The following ZNF804B variants were observed in gnomAD, a reference collection of about 807,000 sequenced individuals.
ZNF804B encodes zinc finger 804B.
Under a neutral mutation model 101.4 loss-of-function variants are expected in ZNF804B, and 80 were observed. The ratio of observed to expected loss-of-function variants is 0.79; its 90% CI spans 0.66 to 0.95. The LOEUF (loss-of-function observed/expected upper bound fraction) is 0.95, where lower values mean the gene tolerates loss of function less well. Ranked by LOEUF, ZNF804B falls within the 40% of genes least tolerant of loss-of-function variation. ZNF804B has a pLI of 0.00. For missense variants in ZNF804B, 1,673 were observed against 1,561.9 expected, an observed-to-expected ratio of 1.07 and a Z score of -1.20; for synonymous variants, 622 against 558.8, an observed-to-expected ratio of 1.11 and a Z score of -1.59.
At chr7:89,003,256 A>AGT (rs1442786780) in intron 1 of ZNF804B, among the ~76,000 whole-genome samples, 1 of 152,026 alleles carries the variant, frequency 6.6e-6, no homozygotes, top group Non-Finnish European at 1.5e-5. Flanking sequence ...CAGAGGAGAC[A>AGT]GTGCCATAGT....
At chr7:88,860,999 A>G (rs1295194442) in intron 1 of ZNF804B, among the ~76,000 whole-genome samples, 2 of 152,170 alleles carry the variant, frequency 1.3e-5, no homozygotes, top group East Asian at 3.8e-4. Flanking sequence ...ACACTAGTCA[A>G]TTATGCTAAA....
At chr7:88,970,601 T>C (rs890763860) in intron 1 of ZNF804B, among the ~76,000 whole-genome samples, 3 of 151,452 alleles carry the variant, frequency 2.0e-5, no homozygotes, top group Non-Finnish European at 4.4e-5. Flanking sequence ...GTACAGAATA[T>C]ACAGGGTTGG....
At chr7:89,038,592 T>C (rs745877321) in intron 1 of ZNF804B, among the ~76,000 whole-genome samples, 4 of 152,104 alleles carry the variant, frequency 2.6e-5, no homozygotes, top group African/African-American at 9.7e-5. Context: ...GGTTTGCAAA[T>C]ATTTTTGCTC....
At chr7:89,008,995 G>T (rs1055767261) in intron 1 of ZNF804B, among the ~76,000 whole-genome samples, 17 of 152,054 alleles carry the variant, frequency 1.1e-4, no homozygotes, top group South Asian at 4.1e-4. Context: ...TCATATACCT[G>T]CCAGACTCCT....
intron 1 of ZNF804B, among the ~76,000 whole-genome samples, chr7:88,894,019 G>C (rs1792250094): frequency 6.6e-6 from 1 of 151,824 alleles, no homozygotes; most frequent in Admixed American, 6.6e-5. Flanking sequence ...AAAATATTAA[G>C]ATATATGTAT....
chr7:89,150,137 T>C (rs1416623051), intron 1 of ZNF804B, among the ~76,000 whole-genome samples: 2 of 152,164 alleles, frequency 1.3e-5, no homozygotes, highest in Non-Finnish European at 1.5e-5. Flanking sequence ...CTTTCAGTCA[T>C]GAATCATTCT....
At chr7:89,064,366 A>G in intron 1 of ZNF804B, among the ~76,000 whole-genome samples, 1 of 152,166 alleles carries the variant, frequency 6.6e-6, no homozygotes, top group Non-Finnish European at 1.5e-5. Flanking sequence ...TTCCTTGACA[A>G]GGAAGCTGCT....
At chr7:89,319,732 G>A (rs1184336420) in intron 2 of ZNF804B, among the ~76,000 whole-genome samples, 2 of 152,162 alleles carry the variant, frequency 1.3e-5, no homozygotes, top group African/African-American at 4.8e-5. Context: ...TGAAGTATTA[G>A]TGTAGAGAAC....
intron 1 of ZNF804B, among the ~76,000 whole-genome samples, chr7:88,894,598 G>A (rs557349589): frequency 6.6e-6 from 1 of 152,180 alleles, no homozygotes; most frequent in African/African-American, 2.4e-5. Context: ...AAGAATGGAG[G>A]CAACCAAGAT....
At chr7:89,317,083 C>T (rs993245132) in intron 2 of ZNF804B, among the ~76,000 whole-genome samples, 7 of 152,178 alleles carry the variant, frequency 4.6e-5, no homozygotes, top group African/African-American at 7.2e-5. Flanking sequence ...CATAGGTATA[C>T]AGAGACTAAG....
intron 1 of ZNF804B, among the ~76,000 whole-genome samples, chr7:88,952,567 T>G (rs1170278655): frequency 6.6e-6 from 1 of 151,798 alleles, no homozygotes; most frequent in Non-Finnish European, 1.5e-5. Flanking sequence ...TTTATAAATC[T>G]AATATTAATG....
At chr7:88,929,887 T>C (rs1183525610) in intron 1 of ZNF804B, among the ~76,000 whole-genome samples, 1 of 151,968 alleles carries the variant, frequency 6.6e-6, no homozygotes, top group Admixed American at 6.6e-5. Flanking sequence ...AATATATTTA[T>C]GTCTTTACAA....
intron 1 of ZNF804B, among the ~76,000 whole-genome samples, chr7:88,864,660 C>A (rs1791698871): frequency 6.6e-6 from 1 of 152,080 alleles, no homozygotes; most frequent in African/African-American, 2.4e-5. Flanking sequence ...GTCAACTGGC[C>A]CCACGGGTAC....
chr7:88,996,080 T>C (rs981627716), intron 1 of ZNF804B, among the ~76,000 whole-genome samples: 10 of 151,998 alleles, frequency 6.6e-5, no homozygotes, highest in African/African-American at 9.7e-5. Context: ...AAATAAAATC[T>C]AAGGAAAGCT....
chr7:89,171,305 TTCTTCTTC>T (rs1562904421), intron 1 of ZNF804B, among the ~76,000 whole-genome samples: 3 of 110,172 alleles, frequency 2.7e-5, no homozygotes, highest in East Asian at 4.5e-4. Context: ...CTTCTTCTTC[TTCTTCTTC>T]TTCTTCTTCT....
intron 1 of ZNF804B, among the ~76,000 whole-genome samples, chr7:88,783,364 C>G (rs547757314): frequency 6.6e-6 from 1 of 152,202 alleles, no homozygotes; most frequent in East Asian, 1.9e-4. Context: ...GGGACTACCT[C>G]TAGCTTCCAC....
At chr7:89,214,154 T>G (rs1490624021) in intron 1 of ZNF804B, among the ~76,000 whole-genome samples, 1 of 152,172 alleles carries the variant, frequency 6.6e-6, no homozygotes, top group African/African-American at 2.4e-5. Flanking sequence ...AAATGCCCAT[T>G]GGCATTACCG....
At chr7:88,760,204 T>TATGGATAAGG in intron 1 of ZNF804B, 120 bp downstream of exon 1, 1 of 767,578 alleles carries the variant, frequency 1.3e-6, no homozygotes, top group Non-Finnish European at 2.2e-6. Context: ...AACGTATACC[T>TATGGATAAGG]TATCCATAGG....
At chr7:89,135,656 A>G (rs369629994) in intron 1 of ZNF804B, among the ~76,000 whole-genome samples, 4 of 152,100 alleles carry the variant, frequency 2.6e-5, no homozygotes, top group African/African-American at 9.6e-5. Flanking sequence ...CTGATGCACA[A>G]GGATGATATT....
Sources: allele counts gnomAD v4.1 joint callset (sites outside exome capture counted in the v4.1 genomes callset), GRCh38; gene constraint gnomAD v4.1.1; transcripts MANE v1.5; gene names NCBI Gene and HGNC (gene_info 2026-07-23, HGNC 2026-07-21).